The following DNAL1 variants were observed in gnomAD, a reference collection of about 807,000 sequenced individuals.
DNAL1 encodes the protein dynein axonemal light chain 1.
Under a neutral mutation model 29.4 loss-of-function variants are expected in DNAL1, and 17 were observed. The ratio of observed to expected loss-of-function variants is 0.58; its 90% CI spans 0.40 to 0.87. DNAL1 has a LOEUF of 0.87. DNAL1 is among the 40% of genes least tolerant of loss of function. The probability of loss-of-function intolerance (pLI) is 0.00; values close to 1 mark genes in which losing one functional copy is unlikely to be tolerated. For missense variants in DNAL1, 188 were observed against 214.1 expected, an observed-to-expected ratio of 0.88 and a Z score of 0.76; for synonymous variants, 78 against 76.3, an observed-to-expected ratio of 1.02 and a Z score of -0.12.
At chr14:73,669,603 T>G (rs1317851008) in intron 4 of DNAL1, among the ~76,000 whole-genome samples, 1 of 152,132 alleles carries the variant, frequency 6.6e-6, no homozygotes, top group Non-Finnish European at 1.5e-5. Flanking sequence ...TTTTTTATTT[T>G]TATTTCTGTA....
chr14:73,679,723 A>G (rs1595218828), intron 5 of DNAL1, among the ~76,000 whole-genome samples: 1 of 152,086 alleles, frequency 6.6e-6, no homozygotes, highest in Non-Finnish European at 1.5e-5. Flanking sequence ...TTGTTAGTCA[A>G]ATCTTTATGG....
intron 5 of DNAL1, among the ~76,000 whole-genome samples, chr14:73,677,884 T>A (rs62004928): frequency 4.2e-5 from 4 of 96,130 alleles, no homozygotes; most frequent in African/African-American, 1.5e-4. Flanking sequence ...ATATATATAT[T>A]TGTGTGTGTG....
chr14:73,694,272 A>AAATAAATAAATC, intron 7 of DNAL1, among the ~76,000 whole-genome samples: 1 of 150,704 alleles, frequency 6.6e-6, no homozygotes. Flanking sequence ...ATAAATAAAT[A>AAATAAATAAATC]AATAAATAAA....
chr14:73,689,347 A>C, intron 6 of DNAL1, 28 bp from the exon 7 acceptor site: 1 of 1,550,790 alleles, frequency 6.4e-7, no homozygotes, highest in South Asian at 1.2e-5. Context: ...TTAGTGTTTT[A>C]ATATGGAAAA....
chr14:73,660,398 C>T (rs1239821779), intron 3 of DNAL1, among the ~76,000 whole-genome samples: 2 of 152,162 alleles, frequency 1.3e-5, no homozygotes, highest in Non-Finnish European at 1.5e-5. Flanking sequence ...TGTGTCTCAT[C>T]AGGGCTATAG....
chr14:73,660,205 C>T (rs1764802961), intron 3 of DNAL1, among the ~76,000 whole-genome samples: 1 of 152,222 alleles, frequency 6.6e-6, no homozygotes, highest in South Asian at 2.1e-4. Flanking sequence ...GCTGGGACTA[C>T]AGGCATGAGC....
chr14:73,657,508 G>A (rs984714424), intron 2 of DNAL1, among the ~76,000 whole-genome samples: 1 of 152,150 alleles, frequency 6.6e-6, no homozygotes, highest in Non-Finnish European at 1.5e-5. Context: ...TTGAGTTCCT[G>A]CGTCAGATGA....
At chr14:73,645,337 AG>A (rs1351262346) in intron 1 of DNAL1, among the ~76,000 whole-genome samples, 2 of 152,134 alleles carry the variant, frequency 1.3e-5, no homozygotes, top group East Asian at 1.9e-4. Flanking sequence ...TGGAGTGGGA[AG>A]GGTGATGGGA....
At chr14:73,661,460 C>G (rs1470769115) in intron 3 of DNAL1, among the ~76,000 whole-genome samples, 2 of 151,666 alleles carry the variant, frequency 1.3e-5, no homozygotes, top group African/African-American at 2.4e-5. Flanking sequence ...TTCATAATAC[C>G]AGGGCCAGGT....
chr14:73,693,008 G>C (rs1177123220), intron 7 of DNAL1, among the ~76,000 whole-genome samples: 2 of 151,968 alleles, frequency 1.3e-5, no homozygotes, highest in African/African-American at 4.8e-5. Flanking sequence ...GCTAATTTTT[G>C]TATTTTTAGT....
At chr14:73,670,944 G>C in intron 4 of DNAL1, among the ~76,000 whole-genome samples, 1 of 151,728 alleles carries the variant, frequency 6.6e-6, no homozygotes, top group Non-Finnish European at 1.5e-5. Context: ...CACCGTGTTA[G>C]CCAGGATGGT....
intron 4 of DNAL1, among the ~76,000 whole-genome samples, chr14:73,666,255 A>C (rs1595209945): frequency 6.6e-6 from 1 of 152,238 alleles, no homozygotes; most frequent in African/African-American, 2.4e-5. Flanking sequence ...TTTATCAGGC[A>C]GAACAACCCT....
chr14:73,689,282 TTG>T, intron 6 of DNAL1, 91 bp from the exon 7 acceptor site: 1 of 1,456,562 alleles, frequency 6.9e-7, no homozygotes, highest in Non-Finnish European at 9.3e-7. Flanking sequence ...TCCGCCCGCC[TTG>T]TCCCCCCAAA....
intron 5 of DNAL1, among the ~76,000 whole-genome samples, chr14:73,681,201 T>C (rs1271873312): frequency 2.0e-5 from 3 of 151,684 alleles, no homozygotes; most frequent in Non-Finnish European, 4.4e-5. Context: ...TGGCACCCTG[T>C]CGGCTCACTG....
At chr14:73,657,246 G>T (rs1595203585) in intron 2 of DNAL1, among the ~76,000 whole-genome samples, 1 of 152,316 alleles carries the variant, frequency 6.6e-6, no homozygotes, top group Middle Eastern at 3.4e-3. Context: ...CAGGGTCTCT[G>T]TTCCTCCAGG....
chr14:73,679,911 T>A (rs1891837533), intron 5 of DNAL1, among the ~76,000 whole-genome samples: 1 of 152,024 alleles, frequency 6.6e-6, no homozygotes, highest in African/African-American at 2.4e-5. Context: ...GTTAGCCATT[T>A]ATTGAAAAGT....
rs1352832760 is a variant in DNAL1 at position 73,703,036 on chromosome 14, A to T, written c.*7094A>T. 1.3e-5 allele frequency: 2 copies of T among 152,128 alleles called. No individual in the cohort carries two copies. The highest frequency in any genetic ancestry group is 1.5e-5 in the Non-Finnish European group (1 of 68,016). 9.4% of individuals were successfully genotyped at this position (152,128 alleles called of 1,614,324 possible). On this transcript the variant is annotated 3_prime_UTR_variant, in exon 8 of 8. Coordinates refer to ENST00000553645, the MANE Select transcript of DNAL1 (RefSeq NM_031427.4). ...GGGGAGGCTGAGGCAGGATTGCTTG[A>T]ACCCAGAAGTTTGAGGTTACAGTGA... is the stretch of plus-strand genomic sequence containing the variant.
chr14:73,683,697 T>TTTATTA (rs375902045), intron 5 of DNAL1, among the ~76,000 whole-genome samples: 19 of 150,246 alleles, frequency 1.3e-4, no homozygotes, highest in Middle Eastern at 6.9e-3. Context: ...TATTTATTTA[T>TTTATTA]TTATTATTAT....
At chr14:73,663,331 G>A (rs914650985) in intron 4 of DNAL1, among the ~76,000 whole-genome samples, 10 of 149,778 alleles carry the variant, frequency 6.7e-5, no homozygotes, top group African/African-American at 2.5e-4. Context: ...TCAGTCTCCT[G>A]AGTAGCTGGG....
Sources: allele counts gnomAD v4.1 joint callset (sites outside exome capture counted in the v4.1 genomes callset), GRCh38; gene constraint gnomAD v4.1.1; transcripts MANE v1.5; gene names NCBI Gene and HGNC (gene_info 2026-07-23, HGNC 2026-07-21).